Variants in PKHD1 observed in about 807,000 individuals in gnomAD.
PKHD1 encodes PKHD1 ciliary IPT domain containing fibrocystin/polyductin.
PKHD1 carries 291 observed loss-of-function variants against 412.0 expected under a neutral mutation model. The observed-to-expected ratio is 0.71, with a 90% CI of 0.64 to 0.78. The LOEUF (loss-of-function observed/expected upper bound fraction) is 0.78. Ranked by LOEUF, PKHD1 falls within the 30% of genes least tolerant of loss-of-function variation. The pLI, the probability that PKHD1 is intolerant of heterozygous loss-of-function variation, is 0.00. For missense variants in PKHD1, 4,825 were observed against 4,950.7 expected (o/e 0.97, Z 0.76); for synonymous variants, 1,777 against 1,821.5 (o/e 0.98, Z 0.62).
chr6:51,915,792 T>C (rs1783699321), intron 37 of PKHD1, among the ~76,000 whole-genome samples: 1 of 151,814 alleles, frequency 6.6e-6, no homozygotes, highest in Admixed American at 6.6e-5. Context: ...GAAGCCAAAG[T>C]AGGAGGAAAA....
At chr6:51,647,469 G>A (rs527259388) in intron 63 of PKHD1, among the ~76,000 whole-genome samples, 1 of 152,288 alleles carries the variant, frequency 6.6e-6, no homozygotes, top group East Asian at 1.9e-4. Context: ...GGAGCTGGCA[G>A]TGGTGCTGGG....
intron 55 of PKHD1, among the ~76,000 whole-genome samples, chr6:51,767,481 A>G (rs1002644985): frequency 2.6e-5 from 4 of 151,984 alleles, no homozygotes; most frequent in Non-Finnish European, 4.4e-5. Context: ...CTCACCCCAC[A>G]ACAGTCCCCA....
chr6:51,968,122 A>G (rs1467501117), intron 35 of PKHD1, among the ~76,000 whole-genome samples: 2 of 152,166 alleles, frequency 1.3e-5, no homozygotes, highest in South Asian at 2.1e-4. Flanking sequence ...AAACCAGCTT[A>G]TGAGCTTCAG....
intron 52 of PKHD1, among the ~76,000 whole-genome samples, chr6:51,825,695 A>G (rs1423805125): frequency 6.6e-6 from 1 of 152,124 alleles, no homozygotes; most frequent in Non-Finnish European, 1.5e-5. Flanking sequence ...TTGTAAGCAA[A>G]ATAAAATGTG....
Position 51,968,191 on chromosome 6 carries a change from C to T in PKHD1, c.5752-8165G>A, listed in dbSNP as rs1482978101. ...GCTCTAATTACTTCTAATGTTTGGG[C>T]TACCATCTTCATACAATAGAAATAA... On this transcript the variant is annotated intron_variant, in intron 35 of 66. Transcript: ENST00000371117. 2.0e-5 allele frequency among the ~76,000 whole-genome samples: 3 copies of T among 152,086 alleles called. No individual in the cohort carries two copies. In the East Asian group the frequency reaches 5.8e-4, roughly 29 times the overall value.
At chr6:51,670,964 T>C (rs1031249763) in intron 60 of PKHD1, among the ~76,000 whole-genome samples, 2 of 152,006 alleles carry the variant, frequency 1.3e-5, no homozygotes, top group Admixed American at 1.3e-4. Context: ...GACCTTTCTC[T>C]CTGGCTGCCC....
rs1356764089 is a variant in PKHD1 at position 52,026,140 on chromosome 6, C to T, written c.3670G>A (p.Asp1224Asn). ...ACAAGTACCCAAACCAAAGCTGGGT[C>T]CCTGCTGAAGCCTATTCCTGAGATG... ...LSISGIGFSRDPALVWVLVGN... is the reference protein window; with the variant it reads ...LSISGIGFSRNPALVWVLVGN... Residue 1224 changes from aspartate (D) to asparagine (N), a missense_variant, in exon 32 of 67, where the codon GAC becomes AAC. Coordinates refer to ENST00000371117, the MANE Select transcript of PKHD1 (RefSeq NM_138694.4). 6.8e-6 allele frequency: 11 copies of T among 1,614,096 alleles called. No individual in the cohort carries two copies. Among genetic ancestry groups the T allele is most frequent in the Non-Finnish European group, 9.3e-6 (11 of 1,179,992 alleles).
intron 51 of PKHD1, among the ~76,000 whole-genome samples, chr6:51,835,300 A>C (rs553494466): frequency 1.3e-5 from 2 of 152,272 alleles, no homozygotes; most frequent in East Asian, 3.9e-4. Flanking sequence ...CTTCCCCAAC[A>C]GGTGTGTCCT....
At chr6:52,016,499 G>A (rs1800549064) in intron 34 of PKHD1, among the ~76,000 whole-genome samples, 1 of 151,890 alleles carries the variant, frequency 6.6e-6, no homozygotes, top group Non-Finnish European at 1.5e-5. Flanking sequence ...AGCTGGGCGT[G>A]GTGGTATATA....
rs552602721 is a variant in PKHD1, at chr6:52,014,393, C to T, written c.5600+3017G>A. Among the ~76,000 whole-genome samples, 45 of 152,298 alleles carry T rather than the reference C, an allele frequency of 3.0e-4. No individual in the cohort carries two copies. In the South Asian group the frequency reaches 7.3e-3, roughly 25 times the overall value. ...TTTATTATCTGACTTTCTTCTCTAC[C>T]CTTAAGGGGCAGGGACTTTCATGAC... On this transcript the variant is annotated intron_variant, in intron 34 of 66. Transcript: ENST00000371117.
intron 35 of PKHD1, among the ~76,000 whole-genome samples, chr6:52,000,136 T>C (rs574203258): frequency 2.0e-4 from 31 of 152,356 alleles, no homozygotes; most frequent in Non-Finnish European, 3.1e-4. Flanking sequence ...ATCACAGTTT[T>C]CACATTCTGT....
chr6:52,024,538 A>G lies in PKHD1; in HGVS notation c.5236+36T>C, dbSNP rs763031198. 5 of 1,588,040 alleles carry G rather than the reference A, an allele frequency of 3.1e-6. No homozygotes were observed. The South Asian group carries it at 3.3e-5, about 11-fold the overall frequency. On this transcript the variant is annotated intron_variant, in intron 32 of 66. Coordinates refer to ENST00000371117, the MANE Select transcript of PKHD1 (RefSeq NM_138694.4). Reference sequence around the variant, plus strand: ...TGAAAGGAGCTACCAATTCATTTACATAAAGAAAGTGTGCTGTCTTATTTG... The same window carrying G: ...TGAAAGGAGCTACCAATTCATTTACGTAAAGAAAGTGTGCTGTCTTATTTG...
At chr6:52,032,636 A>G (rs1373662356) in intron 29 of PKHD1, among the ~76,000 whole-genome samples, 1 of 152,248 alleles carries the variant, frequency 6.6e-6, no homozygotes, top group African/African-American at 2.4e-5. Context: ...TAAATTACTT[A>G]TTCTCTCCAT....
At chr6:51,719,287 C>T (rs981467863) in intron 60 of PKHD1, among the ~76,000 whole-genome samples, 2 of 152,070 alleles carry the variant, frequency 1.3e-5, no homozygotes, top group Non-Finnish European at 1.5e-5. Context: ...CGGCTCACTG[C>T]AGCCTTGACC....
chr6:51,997,491 T>C (rs920801271), intron 35 of PKHD1, among the ~76,000 whole-genome samples: 1 of 152,232 alleles, frequency 6.6e-6, no homozygotes, highest in Non-Finnish European at 1.5e-5. Flanking sequence ...TTGGAAGCTA[T>C]CTATAAACAG....
At chr6:52,016,635 CAAAAAAAA>C (rs10579713) in intron 34 of PKHD1, among the ~76,000 whole-genome samples, 2 of 118,920 alleles carry the variant, frequency 1.7e-5, no homozygotes, top group African/African-American at 6.8e-5. Context: ...GACTCTGTCT[CAAAAAAAA>C]AAAAAAAAAA....
At chr6:51,762,366 G>C (rs753333974) in intron 55 of PKHD1, among the ~76,000 whole-genome samples, 4 of 151,976 alleles carry the variant, frequency 2.6e-5, no homozygotes, top group Admixed American at 6.6e-5. Context: ...CATAACATTT[G>C]TAATGGGTAA....
intron 60 of PKHD1, among the ~76,000 whole-genome samples, chr6:51,660,544 G>C (rs1389876928): frequency 1.3e-5 from 2 of 152,136 alleles, no homozygotes; most frequent in Admixed American, 1.3e-4. Context: ...TGTGACCTCT[G>C]CTTCTGAACA....
chr6:51,921,218 G>T (rs1180447282), intron 37 of PKHD1, among the ~76,000 whole-genome samples: 1 of 152,130 alleles, frequency 6.6e-6, no homozygotes, highest in Non-Finnish European at 1.5e-5. Context: ...TGATGTTAGA[G>T]TATCGATTTT....
Sources: allele counts gnomAD v4.1 joint callset (sites outside exome capture counted in the v4.1 genomes callset), GRCh38; gene constraint gnomAD v4.1.1; transcripts MANE v1.5; gene names NCBI Gene and HGNC (gene_info 2026-07-23, HGNC 2026-07-21).